The following COL5A1 variants were observed in gnomAD, a reference collection of about 807,000 sequenced individuals.
COL5A1 encodes collagen type V alpha 1 chain.
In COL5A1, 16 loss-of-function variants were observed where a neutral mutation model predicts 263.7. That is an observed-to-expected ratio of 0.06 (90% CI 0.04 to 0.09). The LOEUF (loss-of-function observed/expected upper bound fraction) is 0.09. Among genes scored for constraint, COL5A1 ranks in the 10% least tolerant of loss-of-function variants. The pLI, the probability that COL5A1 is intolerant of heterozygous loss-of-function variation, is 1.00. For missense variants in COL5A1, 2,036 were observed against 2,540.5 expected (o/e 0.80, Z 4.27); for synonymous variants, 1,012 against 1,004.5 (o/e 1.01, Z -0.14).
At chr9:134,819,940 G>A (rs1838926176) in intron 57 of COL5A1, among the ~76,000 whole-genome samples, 176 bp from the exon 58 acceptor site, 3 of 152,192 alleles carry the variant, frequency 2.0e-5, no homozygotes, top group South Asian at 2.1e-4. Context: ...GGGCCACCTC[G>A]GACCTGCCGT....
intron 11 of COL5A1, 124 bp from the exon 12 acceptor site, chr9:134,750,418 C>A: frequency 2.3e-6 from 2 of 859,910 alleles, no homozygotes; most frequent in Non-Finnish European, 3.9e-6. Flanking sequence ...CGGGGTCTCA[C>A]AGCTTCTGTG....
chr9:134,762,085 A>C (rs1411555739), intron 19 of COL5A1, 107 bp downstream of exon 19: 1 of 1,144,854 alleles, frequency 8.7e-7, no homozygotes, highest in Non-Finnish European at 1.3e-6. Flanking sequence ...GGCCTGCCGC[A>C]TGTGGAGGGC....
intron 26 of COL5A1, 95 bp downstream of exon 26, chr9:134,772,929 G>A (rs1346226351): frequency 1.5e-6 from 2 of 1,312,656 alleles, no homozygotes; most frequent in Admixed American, 3.4e-5. Flanking sequence ...ATCCAGCTTG[G>A]AAAGGAAGGA....
rs1564380960 is a variant in COL5A1 at position 134,677,908 on chromosome 9, C to G, written c.110-13004C>G. Among the ~76,000 whole-genome samples the G allele has an allele frequency of 6.6e-6, 1 of 152,234 alleles. No individual in the cohort carries two copies. Among genetic ancestry groups the G allele is most frequent in the Non-Finnish European group, 1.5e-5 (1 of 68,044 alleles). ...GGCATCTTCTGCCTGGCCCTTGTTCCACCGCTGGGGGTCTCAAGATTCTCT... is the reference window on the plus strand; with the variant it reads ...GGCATCTTCTGCCTGGCCCTTGTTCGACCGCTGGGGGTCTCAAGATTCTCT... On this transcript the variant is annotated intron_variant, in intron 1 of 65. Coordinates refer to ENST00000371817, the MANE Select transcript of COL5A1 (RefSeq NM_000093.5). The surrounding 1 kb of genome is among the most constrained non-coding windows in gnomAD (Gnocchi z 4.4).
intron 26 of COL5A1, 138 bp from the exon 27 acceptor site, chr9:134,774,721 G>A (rs1403081479): frequency 6.0e-6 from 5 of 836,180 alleles, no homozygotes; most frequent in East Asian, 2.7e-5. Context: ...CCCACGGGGG[G>A]CCTCTCTGGA....
At chr9:134,719,238 C>T (rs1564409273) in intron 4 of COL5A1, among the ~76,000 whole-genome samples, 1 of 152,228 alleles carries the variant, frequency 6.6e-6, no homozygotes. Context: ...TATACATATG[C>T]ATAAAAGTGT....
chr9:134,765,809 T>C lies in COL5A1; in HGVS notation c.2088+75T>C. The C allele has an allele frequency of 7.6e-7, 1 of 1,309,030 alleles. No homozygotes were observed. The highest frequency in any genetic ancestry group is 1.1e-6 in the Non-Finnish European group (1 of 923,920). 81.1% of individuals were successfully genotyped at this position (1,309,030 alleles called of 1,614,324 possible). ...ACCCCGCCTCCCAGCCGGTGGACGC[T>C]TGGGCACTGGGGCAGCAAGTCCGTG... On this transcript the variant is annotated intron_variant, in intron 21 of 65. Coordinates refer to ENST00000371817, the MANE Select transcript of COL5A1 (RefSeq NM_000093.5). The surrounding 1 kb of genome is among the most constrained non-coding windows in gnomAD (Gnocchi z 5.1).
chr9:134,818,707 C>G lies in COL5A1; in HGVS notation c.4282C>G (p.Gln1428Glu). ...PPGKTGPIGPQGAPGKPGPDG... is the reference protein window; with the variant it reads ...PPGKTGPIGPEGAPGKPGPDG... ...TGGGAAGACTGGCCCCATCGGCCCC[C>G]AGGGGGCCCCTGGGAAGCCCGGACC... Residue 1428 changes from glutamine (Q) to glutamate (E), a missense_variant, in exon 55 of 66, where the codon CAG becomes GAG. Transcript: ENST00000371817. This position sits in a 1 kb window ranked among gnomAD's most constrained non-coding sequence, Gnocchi z 6.0. 4 of 1,610,930 alleles carry G rather than the reference C, an allele frequency of 2.5e-6. No homozygotes were observed. The highest frequency in any genetic ancestry group is 3.4e-6 in the Non-Finnish European group (4 of 1,179,066).
chr9:134,744,399 C>T (rs899985090), intron 11 of COL5A1, among the ~76,000 whole-genome samples: 5 of 151,058 alleles, frequency 3.3e-5, no homozygotes, highest in African/African-American at 1.2e-4. Flanking sequence ...ACACACTCAA[C>T]CGTATATGCA....
intron 11 of COL5A1, among the ~76,000 whole-genome samples, chr9:134,744,386 T>C (rs1756993920): frequency 6.8e-6 from 1 of 147,862 alleles, no homozygotes; most frequent in Non-Finnish European, 1.5e-5. Context: ...CATGCATACA[T>C]GCACACACTC....
rs117105170 is a variant in COL5A1, at chr9:134,820,530, C to A, written c.4554+307C>A. Among the ~76,000 whole-genome samples, 2,667 of 152,296 alleles carry A rather than the reference C, an allele frequency of 0.018. 33 individuals carry two copies. The highest frequency in any genetic ancestry group is 0.027 in the Non-Finnish European group (1,832 of 68,022). ...CAGGTCATTCTGCCTGGTTCCCAGCCCTGTGGGAGAGCCTGTCACCCACCG... is the reference window on the plus strand; with the variant it reads ...CAGGTCATTCTGCCTGGTTCCCAGCACTGTGGGAGAGCCTGTCACCCACCG... On this transcript the variant is annotated intron_variant, in intron 58 of 65. Transcript: ENST00000371817.
rs1381166807 is a variant in COL5A1, at chr9:134,647,237, T to C, written c.109+4941T>C. 6.6e-6 allele frequency among the ~76,000 whole-genome samples: 1 copy of C among 152,192 alleles called. No individual in the cohort carries two copies. Among genetic ancestry groups the C allele is most frequent in the African/African-American group, 2.4e-5 (1 of 41,448 alleles). ...GTCTCTGCTGCCCCTTTGCCTTCCT[T>C]GGCCTCGGTTCTTTGCTTTCCCACG... On this transcript the variant is annotated intron_variant, in intron 1 of 65. Coordinates refer to ENST00000371817, the MANE Select transcript of COL5A1 (RefSeq NM_000093.5). This position sits in a 1 kb window ranked among gnomAD's most constrained non-coding sequence, Gnocchi z 5.0.
chr9:134,812,338 G>C (rs1588578450), intron 46 of COL5A1, 111 bp from the exon 47 acceptor site: 2 of 1,143,022 alleles, frequency 1.7e-6, no homozygotes, highest in East Asian at 2.4e-5. Flanking sequence ...GCACCTTCCC[G>C]GGGCTTCGGG....
At chr9:134,684,289 G>C (rs1479028515) in intron 1 of COL5A1, among the ~76,000 whole-genome samples, 1 of 152,160 alleles carries the variant, frequency 6.6e-6, no homozygotes, top group Non-Finnish European at 1.5e-5. Flanking sequence ...AGCTCCTGTA[G>C]GTGCCGGAGC....
chr9:134,674,295 C>T (rs974504830), intron 1 of COL5A1, among the ~76,000 whole-genome samples: 14 of 152,098 alleles, frequency 9.2e-5, no homozygotes, highest in South Asian at 2.1e-4. Context: ...GACAAACAAG[C>T]GGGAATACTG....
At chr9:134,798,511 C>A in intron 37 of COL5A1, 50 bp downstream of exon 37, 4 of 1,568,208 alleles carry the variant, frequency 2.6e-6, no homozygotes, top group Non-Finnish European at 3.5e-6. Flanking sequence ...CTCTGACCAC[C>A]CTGCACGTGG....
intron 4 of COL5A1, among the ~76,000 whole-genome samples, chr9:134,710,329 G>A (rs1317969666): frequency 6.6e-6 from 1 of 152,262 alleles, no homozygotes; most frequent in Non-Finnish European, 1.5e-5. Flanking sequence ...TATTTTCATA[G>A]CATCGCCGTC....
intron 24 of COL5A1, 95 bp from the exon 25 acceptor site, chr9:134,768,315 G>C (rs1465151694): frequency 9.0e-7 from 1 of 1,112,976 alleles, no homozygotes; most frequent in African/African-American, 1.5e-5. Context: ...AATGCTGTGT[G>C]GGCAGAAATG....
intron 57 of COL5A1, 58 bp downstream of exon 57, chr9:134,819,111 G>A (rs1431793397): frequency 8.3e-6 from 13 of 1,559,280 alleles, no homozygotes; most frequent in Admixed American, 3.3e-5. Flanking sequence ...ATTTGTGGCC[G>A]TGGGTCTCAA....
Sources: allele counts gnomAD v4.1 joint callset (sites outside exome capture counted in the v4.1 genomes callset), GRCh38; gene constraint gnomAD v4.1.1; non-coding constraint Gnocchi (gnomAD v3.1); transcripts MANE v1.5; gene names NCBI Gene and HGNC (gene_info 2026-07-23, HGNC 2026-07-21).